SUFU: variants seen among roughly 807,000 people sequenced by gnomAD.
SUFU encodes the protein SUFU negative regulator of hedgehog signaling.
In SUFU, 7 loss-of-function variants were observed where a neutral mutation model predicts 58.9. That is an observed-to-expected ratio of 0.12 (90% confidence interval 0.07 to 0.22). SUFU has a LOEUF of 0.22. Ranked by LOEUF, SUFU falls within the 10% of genes least tolerant of loss-of-function variation. The pLI, the probability that SUFU is intolerant of heterozygous loss-of-function variation, is 1.00. For synonymous variants in SUFU, 232 were observed against 254.8 expected (o/e 0.91, Z 0.85); for missense variants, 451 against 641.3 (o/e 0.70, Z 3.20).
chr10:102,619,462 A>G lies in SUFU; in HGVS notation c.1296+2034A>G. The G allele has an allele frequency of 3.9e-6, 5 of 1,272,430 alleles. No homozygotes were observed. The highest frequency in any genetic ancestry group is 1.9e-5 in the South Asian group (1 of 53,402). 78.8% of individuals were successfully genotyped at this position (1,272,430 alleles called of 1,614,324 possible). A position where few individuals can be genotyped will look rare whatever the true frequency, so the allele number is the denominator to read the frequency against. ...AAAGTTGCTGTGCTGGGAGCTACTCAATCAAAGGCCTGTGTTATGGGCTCA... is the reference window on the plus strand; with the variant it reads ...AAAGTTGCTGTGCTGGGAGCTACTCGATCAAAGGCCTGTGTTATGGGCTCA... On this transcript the variant is annotated intron_variant, in intron 10 of 11. Transcript: ENST00000369902. This position sits in a 1 kb window ranked among gnomAD's most constrained non-coding sequence, Gnocchi z 4.2.
chr10:102,569,733 G>A (rs2063141740), intron 3 of SUFU, among the ~76,000 whole-genome samples: 1 of 152,150 alleles, frequency 6.6e-6, no homozygotes, highest in African/African-American at 2.4e-5. Context: ...GTAAGTGCCT[G>A]CCTCATGTCC....
At chr10:102,505,299 G>T (rs1386482745) in intron 1 of SUFU, among the ~76,000 whole-genome samples, 1 of 152,174 alleles carries the variant, frequency 6.6e-6, no homozygotes, top group Non-Finnish European at 1.5e-5. Context: ...TCTTCCTTCA[G>T]CATTTGGGCA....
At chr10:102,522,169 G>C (rs531134230) in intron 2 of SUFU, among the ~76,000 whole-genome samples, 1 of 152,276 alleles carries the variant, frequency 6.6e-6, no homozygotes, top group Admixed American at 6.5e-5. Flanking sequence ...CATTTGCTTG[G>C]GAAGATAGCT....
chr10:102,562,143 A>C (rs2063044090), intron 3 of SUFU, among the ~76,000 whole-genome samples: 1 of 152,190 alleles, frequency 6.6e-6, no homozygotes, highest in Non-Finnish European at 1.5e-5. Flanking sequence ...AATGCATTGT[A>C]GAGTTTTCTT....
Position 102,619,634 on chromosome 10 carries a change from C to T in SUFU, c.1296+2206C>T, listed in dbSNP as rs1032129777. ...CCTGGGAAACCCTCTGACCCTGCCCCCAGCCGGATTCTCAGCAGTGGAGCC... is the reference window on the plus strand; with the variant it reads ...CCTGGGAAACCCTCTGACCCTGCCCTCAGCCGGATTCTCAGCAGTGGAGCC... On this transcript the variant is annotated intron_variant, in intron 10 of 11. Coordinates refer to ENST00000369902, the MANE Select transcript of SUFU (RefSeq NM_016169.4). This position sits in a 1 kb window ranked among gnomAD's most constrained non-coding sequence, Gnocchi z 4.2. 8.5e-5 allele frequency among the ~76,000 whole-genome samples: 13 copies of T among 152,292 alleles called. No individual in the cohort carries two copies. The Middle Eastern group carries it at 0.01, about 120-fold the overall frequency.
chr10:102,516,621 C>T (rs1488983516), intron 2 of SUFU, among the ~76,000 whole-genome samples: 1 of 152,058 alleles, frequency 6.6e-6, no homozygotes, highest in Non-Finnish European at 1.5e-5. Context: ...GATCTCGGCT[C>T]ACTGCAACCT....
rs149099411 is a variant in SUFU at position 102,528,638 on chromosome 10, C to T, written c.317+19335C>T. Among the ~76,000 whole-genome samples the T allele has an allele frequency of 5.7e-3, 863 of 152,250 alleles. 4 individuals carry two copies. Among genetic ancestry groups the T allele is most frequent in the Non-Finnish European group, 7.9e-3 (534 of 68,000 alleles). On this transcript the variant is annotated intron_variant, in intron 2 of 11. Transcript: ENST00000369902. ...CCCTTTGCTCACTGAAAGCCCAGGA[C>T]AGAGTTAAGCTGCCTGAAGTGTTGG...
rs567385961 is a variant in SUFU at position 102,603,589 on chromosome 10, G to A, written c.1022+4045G>A. Among the ~76,000 whole-genome samples, 8 of 152,304 alleles carry A rather than the reference G, an allele frequency of 5.3e-5. 1 individual carries two copies. Among genetic ancestry groups the A allele is most frequent in the African/African-American group, 1.9e-4 (8 of 41,574 alleles). On this transcript the variant is annotated intron_variant, in intron 8 of 11. Coordinates refer to ENST00000369902, the MANE Select transcript of SUFU (RefSeq NM_016169.4). ...CTCACCATCACTGCTGAGTTTCTCA[G>A]TCTTCTAGAATCACACCAGCAGCTT...
At chr10:102,616,269 C>A (rs1181483582) in intron 9 of SUFU, among the ~76,000 whole-genome samples, 9 of 152,218 alleles carry the variant, frequency 5.9e-5, no homozygotes, top group Non-Finnish European at 1.3e-4. Context: ...CAGCTGGCTA[C>A]CCCACAGCCC....
At position 102,599,254 on chromosome 10, in the gene SUFU, C is replaced by A. The variant is rs981772423; in HGVS notation, c.911-179C>A. Among the ~76,000 whole-genome samples the A allele has an allele frequency of 2.0e-5, 3 of 152,192 alleles. No individual in the cohort carries two copies. In the South Asian group the frequency reaches 6.2e-4, roughly 32 times the overall value. On this transcript the variant is annotated intron_variant, in intron 7 of 11. Transcript: ENST00000369902. The stretch of plus-strand genomic sequence containing the variant: ...TCCAACCCAGAGCTTCTTAAGAGCG[C>A]GGTTGTCCCCTCGCAATCTGTACTC...
chr10:102,610,814 GTTC>G (rs1428272557), intron 8 of SUFU, among the ~76,000 whole-genome samples: 1 of 152,328 alleles, frequency 6.6e-6, no homozygotes, highest in Non-Finnish European at 1.5e-5. Flanking sequence ...ATAGCGCAGA[GTTC>G]TTCTGCTCCT....
At chr10:102,601,623 T>G (rs1376520652) in intron 8 of SUFU, among the ~76,000 whole-genome samples, 1 of 152,192 alleles carries the variant, frequency 6.6e-6, no homozygotes, top group African/African-American at 2.4e-5. Flanking sequence ...TTTCTCCTCC[T>G]CCTTTGCCAA....
At chr10:102,567,042 C>T (rs2063098941) in intron 3 of SUFU, among the ~76,000 whole-genome samples, 2 of 91,700 alleles carry the variant, frequency 2.2e-5, no homozygotes, top group African/African-American at 4.4e-5. Flanking sequence ...GACAGAGTCT[C>T]GCTGTGTTGC....
intron 8 of SUFU, among the ~76,000 whole-genome samples, chr10:102,600,364 C>G (rs756084996): frequency 6.6e-6 from 1 of 152,184 alleles, no homozygotes; most frequent in Non-Finnish European, 1.5e-5. Context: ...TAGCCTTCTT[C>G]TATGAAGTCT....
chr10:102,523,369 G>A (rs1296344471), intron 2 of SUFU, among the ~76,000 whole-genome samples: 1 of 152,120 alleles, frequency 6.6e-6, no homozygotes, highest in Non-Finnish European at 1.5e-5. Context: ...CTGACCTCAG[G>A]CCTTTCAACA....
chr10:102,616,781 AC>A (rs2063691081), intron 9 of SUFU, among the ~76,000 whole-genome samples: 3 of 152,016 alleles, frequency 2.0e-5, no homozygotes, highest in Non-Finnish European at 2.9e-5. Context: ...TGGGCCAGCC[AC>A]TTGAATGTTA....
At position 102,619,389 on chromosome 10, in the gene SUFU, G is replaced by A; in HGVS notation, c.1296+1961G>A. On this transcript the variant is annotated intron_variant, in intron 10 of 11. Transcript: ENST00000369902. This position sits in a 1 kb window ranked among gnomAD's most constrained non-coding sequence, Gnocchi z 4.2. ...CCCCTCCCATGGGCTGTTGCCCAGGGAACCGGGGCGCGGTGGGAACGAGCT... is the reference window on the plus strand; with the variant it reads ...CCCCTCCCATGGGCTGTTGCCCAGGAAACCGGGGCGCGGTGGGAACGAGCT... The A allele has an allele frequency of 1.4e-6, 2 of 1,388,636 alleles. No individual in the cohort carries two copies. Among genetic ancestry groups the A allele is most frequent in the South Asian group, 1.6e-5 (1 of 61,702 alleles). The allele number at this position is 1,388,636 out of a possible 1,614,324, so 86.0% of individuals were successfully genotyped here.
At chr10:102,545,293 ATT>A (rs1162195255) in intron 2 of SUFU, among the ~76,000 whole-genome samples, 4,763 of 106,246 alleles carry the variant, frequency 0.045, 191 homozygotes, top group African/African-American at 0.16. Flanking sequence ...TAATTTTTGT[ATT>A]TTTTTTTTTT....
intron 3 of SUFU, among the ~76,000 whole-genome samples, chr10:102,590,361 T>C (rs1284006963): frequency 1.3e-5 from 2 of 152,078 alleles, no homozygotes; most frequent in Middle Eastern, 3.4e-3. Context: ...GAGACGGGGT[T>C]TCACTTTGTT....
Sources: allele counts gnomAD v4.1 joint callset (sites outside exome capture counted in the v4.1 genomes callset), GRCh38; gene constraint gnomAD v4.1.1; non-coding constraint Gnocchi (gnomAD v3.1); transcripts MANE v1.5; gene names NCBI Gene and HGNC (gene_info 2026-07-23, HGNC 2026-07-21).